SDK2: variants seen among roughly 807,000 people sequenced by gnomAD.
SDK2 encodes sidekick cell adhesion molecule 2.
Under a neutral mutation model 253.9 loss-of-function variants are expected in SDK2, and 105 were observed. The ratio of observed to expected loss-of-function variants is 0.41; its 90% confidence interval spans 0.35 to 0.49. The LOEUF (loss-of-function observed/expected upper bound fraction) is 0.49, where lower values mean the gene tolerates loss of function less well. Ranked by LOEUF, SDK2 falls within the 20% of genes least tolerant of loss-of-function variation. SDK2 has a pLI of 0.06. For missense variants in SDK2, 2,608 were observed against 3,003.0 expected, an observed-to-expected ratio of 0.87 and a Z score of 3.07; for synonymous variants, 1,249 against 1,234.9, an observed-to-expected ratio of 1.01 and a Z score of -0.24.
Position 73,490,514 on chromosome 17 carries a change from C to T in SDK2, c.224+16924G>A, listed in dbSNP as rs999250273. ...TTGTAACAATACTTACTAATATGGGCCAGGCAGTGTTTTTTTTTTTTTTTT... is the reference window on the plus strand; with the variant it reads ...TTGTAACAATACTTACTAATATGGGTCAGGCAGTGTTTTTTTTTTTTTTTT... On this transcript the variant is annotated intron_variant, in intron 2 of 44. Coordinates refer to ENST00000392650, the MANE Select transcript of SDK2 (RefSeq NM_001144952.2). Among the ~76,000 whole-genome samples, 35 of 149,398 alleles carry T rather than the reference C, an allele frequency of 2.3e-4. 1 individual carries two copies. The highest frequency in any genetic ancestry group is 2.3e-3 in the Admixed American group (34 of 14,940).
intron 1 of SDK2, among the ~76,000 whole-genome samples, chr17:73,622,961 T>C (rs2046152120): frequency 1.3e-5 from 2 of 152,166 alleles, no homozygotes; most frequent in Admixed American, 1.3e-4. Flanking sequence ...TGGCTAATGC[T>C]CCCATCTGTA....
At chr17:73,589,717 G>T (rs969329927) in intron 1 of SDK2, among the ~76,000 whole-genome samples, 5 of 152,248 alleles carry the variant, frequency 3.3e-5, no homozygotes, top group African/African-American at 1.2e-4. Context: ...CCAAAGTGGG[G>T]TGTGAAATCG....
Position 73,361,740 on chromosome 17 carries a change from T to C in SDK2, c.5411A>G (p.Lys1804Arg). 6.2e-7 allele frequency: 1 copy of C among 1,613,660 alleles called. No individual in the cohort carries two copies. Among genetic ancestry groups the C allele is most frequent in the Non-Finnish European group, 8.5e-7 (1 of 1,179,624 alleles). Reference sequence around the variant, plus strand: ...GATCTCCGGCCCGTAGGTGAAGGTCTTGGCTCTGATGCGGAACCTGTAGGT... The same window carrying C: ...GATCTCCGGCCCGTAGGTGAAGGTCCTGGCTCTGATGCGGAACCTGTAGGT... The part of the protein sequence containing the change: ...GVTYRFRIRA[K>R]TFTYGPEIEA... The change falls in exon 39 of 45, where the codon AAG becomes AGG. Residue 1804 changes from lysine to arginine, a missense_variant. Physicochemically the swap from Lys to Arg is conservative, Grantham distance 26 (BLOSUM62 2). Around this residue, in one of 2 missense-constraint regions of SDK2, gnomAD observed 1,103 missense variants for 1,143.9 expected, o/e 0.96. Transcript: ENST00000392650. The surrounding 1 kb of genome is among the most constrained non-coding windows in gnomAD (Gnocchi z 4.1).
intron 1 of SDK2, among the ~76,000 whole-genome samples, chr17:73,601,327 T>A (rs985609313): frequency 3.3e-5 from 5 of 152,086 alleles, no homozygotes; most frequent in African/African-American, 1.2e-4. Context: ...GCCTTACGAA[T>A]GATCTAAGTT....
chr17:73,641,904 C>T (rs1365400281), intron 1 of SDK2, among the ~76,000 whole-genome samples: 1 of 152,176 alleles, frequency 6.6e-6, no homozygotes, highest in Admixed American at 6.5e-5. Context: ...TTCCCACAAT[C>T]CTTTGCAAGG....
In SDK2 at chr17:73,368,452, C is replaced by A. The variant is rs748296026; in HGVS notation, c.5122G>T (p.Asp1708Tyr). ...VSVAAFNAAG[D>Y]GPRSTPTQGQ... ...TGGGTGGGGGTGCTCCGAGGCCCAT[C>A]CCCAGCGGCGTTGAAGGCGGCCACG... Residue 1708 changes from aspartate (D) to tyrosine (Y), a missense_variant, in exon 37 of 45, where the codon GAT (aspartate) becomes TAT (tyrosine). Physicochemically the swap from Asp to Tyr is radical, Grantham distance 160. Around this residue, in one of 2 missense-constraint regions of SDK2, gnomAD observed 1,103 missense variants for 1,143.9 expected, o/e 0.96. Coordinates refer to ENST00000392650, the MANE Select transcript of SDK2 (RefSeq NM_001144952.2). 1.9e-6 allele frequency: 3 copies of A among 1,603,976 alleles called. No individual in the cohort carries two copies. In the East Asian group the frequency reaches 6.8e-5, roughly 36 times the overall value.
At chr17:73,346,078 C>T (rs961918431) in intron 44 of SDK2, among the ~76,000 whole-genome samples, 13 of 151,866 alleles carry the variant, frequency 8.6e-5, no homozygotes, top group Non-Finnish European at 1.6e-4. Context: ...TGGTGGCACA[C>T]GCGTGTAATC....
At chr17:73,611,531 G>T (rs1049210241) in intron 1 of SDK2, among the ~76,000 whole-genome samples, 1 of 152,246 alleles carries the variant, frequency 6.6e-6, no homozygotes, top group Non-Finnish European at 1.5e-5. Context: ...GGCTGGGTGT[G>T]TGCTTCCCTA....
intron 18 of SDK2, among the ~76,000 whole-genome samples, chr17:73,410,632 T>TA (rs1394774393): frequency 2.0e-5 from 3 of 152,192 alleles, no homozygotes; most frequent in African/African-American, 7.2e-5. Context: ...TGCTGCTTCT[T>TA]AGAGTCCCTG....
chr17:73,415,793 A>G lies in SDK2; in HGVS notation c.2368+18T>C, dbSNP rs1599544614. 3.2e-6 allele frequency: 5 copies of G among 1,547,280 alleles called. No individual in the cohort carries two copies. The highest frequency in any genetic ancestry group is 4.4e-6 in the Non-Finnish European group (5 of 1,143,414). On this transcript the variant is annotated intron_variant, in intron 17 of 44. Coordinates refer to ENST00000392650, the MANE Select transcript of SDK2 (RefSeq NM_001144952.2). ...CATGAGCCACCGCGCCTGGTCTGAGACCACAGTCTCTACCTACCTCCCTGC... is the reference window on the plus strand; with the variant it reads ...CATGAGCCACCGCGCCTGGTCTGAGGCCACAGTCTCTACCTACCTCCCTGC...
At chr17:73,472,344 T>C (rs2063657953) in intron 2 of SDK2, 126 bp from the exon 3 acceptor site, 1 of 648,980 alleles carries the variant, frequency 1.5e-6, no homozygotes, top group East Asian at 2.8e-5. Context: ...CAGGGAACTC[T>C]TGACTCTCTA....
intron 44 of SDK2, among the ~76,000 whole-genome samples, chr17:73,346,294 C>T (rs7220304): frequency 0.75 from 113,944 of 152,096 alleles, 43,703 homozygotes; most frequent in East Asian, 0.84. Context: ...TTTCAACGCA[C>T]TTGAAGAGGC....
intron 39 of SDK2, among the ~76,000 whole-genome samples, chr17:73,360,894 C>T (rs953150887): frequency 6.0e-5 from 9 of 150,904 alleles, no homozygotes; most frequent in Non-Finnish European, 1.3e-4. Context: ...TGAGATTGCA[C>T]CACTGCACTC....
In SDK2 at chr17:73,443,754, C is replaced by T. The variant is rs188253883; in HGVS notation, c.614-2831G>A. ...TGGGCTCAAAGCCTAGCTCTGCCCC[C>T]AGGTATCCTGGTGACTTCATCCTAC... is the stretch of plus-strand genomic sequence containing the variant. On this transcript the variant is annotated intron_variant, in intron 5 of 44. Transcript: ENST00000392650. This position sits in a 1 kb window ranked among gnomAD's most constrained non-coding sequence, Gnocchi z 4.6. 4.6e-5 allele frequency among the ~76,000 whole-genome samples: 7 copies of T among 152,276 alleles called. No homozygotes were observed. Among genetic ancestry groups the T allele is most frequent in the Admixed American group, 4.6e-4 (7 of 15,288 alleles).
intron 1 of SDK2, among the ~76,000 whole-genome samples, chr17:73,552,528 C>T (rs972101125): frequency 3.9e-5 from 6 of 152,128 alleles, no homozygotes; most frequent in South Asian, 4.1e-4. Context: ...GTGGTCGAGG[C>T]GCAGGTCTGA....
chr17:73,523,730 G>A (rs1221103176), intron 1 of SDK2, among the ~76,000 whole-genome samples: 1 of 152,050 alleles, frequency 6.6e-6, no homozygotes, highest in African/African-American at 2.4e-5. Context: ...ACCCAGTTGA[G>A]GTACTTTCTT....
intron 1 of SDK2, among the ~76,000 whole-genome samples, chr17:73,636,624 T>C (rs2046333108): frequency 7.6e-6 from 1 of 132,340 alleles, no homozygotes; most frequent in African/African-American, 3.0e-5. Context: ...AAGGTTGCAG[T>C]GAGCTGAGAT....
intron 1 of SDK2, among the ~76,000 whole-genome samples, chr17:73,514,695 C>T (rs907871921): frequency 2.0e-5 from 3 of 152,192 alleles, no homozygotes; most frequent in African/African-American, 7.2e-5. Context: ...CATGCAGAAA[C>T]CTCTCTCTTT....
chr17:73,601,217 A>G (rs953777848), intron 1 of SDK2, among the ~76,000 whole-genome samples: 9 of 151,792 alleles, frequency 5.9e-5, no homozygotes, highest in African/African-American at 2.2e-4. Context: ...ACGGGGTTTC[A>G]CCATATTGGC....
Sources: allele counts gnomAD v4.1 joint callset (sites outside exome capture counted in the v4.1 genomes callset), GRCh38; gene constraint gnomAD v4.1.1; regional missense constraint gnomAD v4.1.1; non-coding constraint Gnocchi (gnomAD v3.1); transcripts MANE v1.5; gene names NCBI Gene and HGNC (gene_info 2026-07-23, HGNC 2026-07-21).